Variants in ADAMTSL1 observed in about 807,000 individuals in gnomAD.
The protein encoded by ADAMTSL1 is ADAMTS-like protein 1.
In ADAMTSL1, 126 loss-of-function variants were observed where a neutral mutation model predicts 201.8. The observed-to-expected ratio is 0.62, with a 90% CI of 0.54 to 0.72. The LOEUF is 0.72. ADAMTSL1 is among the 30% of genes least tolerant of loss of function. The probability of loss-of-function intolerance (pLI) is 0.00; values close to 1 mark genes in which losing one functional copy is unlikely to be tolerated. For missense variants in ADAMTSL1, 2,679 were observed against 2,277.8 expected (o/e 1.18, Z -3.59); for synonymous variants, 1,121 against 903.4 (o/e 1.24, Z -4.32).
At chr9:18,424,703 C>G (rs1035467269) in intron 2 of ADAMTSL1, among the ~76,000 whole-genome samples, 6 of 152,146 alleles carry the variant, frequency 3.9e-5, no homozygotes, top group African/African-American at 7.2e-5. Flanking sequence ...TTTGCATTGT[C>G]TTTCTGGTAG....
intron 1 of ADAMTSL1, among the ~76,000 whole-genome samples, chr9:17,936,028 A>T (rs1324180851): frequency 6.6e-6 from 1 of 152,200 alleles, no homozygotes; most frequent in African/African-American, 2.4e-5. Flanking sequence ...CTGTTCTTCT[A>T]ACATTGCCAA....
At chr9:18,197,991 A>G (rs1829262575) in intron 2 of ADAMTSL1, among the ~76,000 whole-genome samples, 1 of 152,142 alleles carries the variant, frequency 6.6e-6, no homozygotes, top group Non-Finnish European at 1.5e-5. Context: ...AAACCTGAGA[A>G]AAACAAGCAA....
intron 4 of ADAMTSL1, among the ~76,000 whole-genome samples, chr9:18,596,540 C>A (rs1411924087): frequency 6.6e-6 from 1 of 152,040 alleles, no homozygotes; most frequent in African/African-American, 2.4e-5. Flanking sequence ...ATTACAGGTG[C>A]GCACCACCAC....
chr9:18,165,387 A>C (rs1396985098), intron 2 of ADAMTSL1, among the ~76,000 whole-genome samples: 5 of 151,928 alleles, frequency 3.3e-5, no homozygotes, highest in Non-Finnish European at 7.4e-5. Context: ...ACATAATGGA[A>C]TTGTCACAGT....
intron 4 of ADAMTSL1, among the ~76,000 whole-genome samples, chr9:18,605,306 C>G (rs1483829641): frequency 2.6e-5 from 4 of 152,198 alleles, no homozygotes; most frequent in African/African-American, 9.6e-5. Context: ...GAATCCACAT[C>G]TGCAATTTAA....
chr9:17,974,049 T>A (rs1186542543), intron 1 of ADAMTSL1, among the ~76,000 whole-genome samples: 1 of 152,104 alleles, frequency 6.6e-6, no homozygotes, highest in Non-Finnish European at 1.5e-5. Flanking sequence ...TCAACAACCC[T>A]TCATGCTAAA....
intron 2 of ADAMTSL1, among the ~76,000 whole-genome samples, chr9:18,410,902 T>G (rs1160631146): frequency 6.6e-6 from 1 of 150,722 alleles, no homozygotes; most frequent in Non-Finnish European, 1.5e-5. Flanking sequence ...AGTGCAGTGG[T>G]GCAATCTTGT....
intron 1 of ADAMTSL1, among the ~76,000 whole-genome samples, chr9:18,066,981 C>G (rs1027203787): frequency 2.0e-5 from 3 of 151,942 alleles, no homozygotes; most frequent in South Asian, 4.2e-4. Context: ...ACTCTGGGGA[C>G]TGTTGTGGGG....
intron 2 of ADAMTSL1, among the ~76,000 whole-genome samples, chr9:18,315,318 A>G (rs919232937): frequency 1.3e-5 from 2 of 152,126 alleles, no homozygotes; most frequent in African/African-American, 4.8e-5. Flanking sequence ...GGCTTCGCCT[A>G]GTGCATCCCG....
intron 2 of ADAMTSL1, among the ~76,000 whole-genome samples, chr9:18,222,549 G>C (rs1830298179): frequency 6.6e-6 from 1 of 150,602 alleles, no homozygotes; most frequent in Non-Finnish European, 1.5e-5. Flanking sequence ...TTTTGTTTAG[G>C]ATTTTAGTCC....
chr9:17,930,287 C>A (rs1283990386), intron 1 of ADAMTSL1, among the ~76,000 whole-genome samples: 1 of 152,044 alleles, frequency 6.6e-6, no homozygotes, highest in Non-Finnish European at 1.5e-5. Flanking sequence ...TCCAAGGTCA[C>A]CCTGGTGCCT....
chr9:17,906,818 G>C (rs1308869392), exon 1 of ADAMTSL1: 6 of 152,106 alleles, frequency 3.9e-5, no homozygotes, highest in Non-Finnish European at 8.8e-5. Flanking sequence ...ACTCCCCTTG[G>C]TCCCCGCCAT....
At chr9:18,697,054 A>G (rs1028031095) in intron 13 of ADAMTSL1, among the ~76,000 whole-genome samples, 2 of 148,906 alleles carry the variant, frequency 1.3e-5, no homozygotes, top group South Asian at 4.3e-4. Context: ...TAATTTTTGT[A>G]TTTTTTTTTA....
intron 1 of ADAMTSL1, among the ~76,000 whole-genome samples, chr9:17,949,927 CT>C (rs1248148256): frequency 2.0e-5 from 3 of 151,162 alleles, no homozygotes; most frequent in Admixed American, 6.6e-5. Context: ...TACCGTAGTG[CT>C]TTTTTTTTGA....
At chr9:18,053,770 G>C (rs1381747908) in intron 1 of ADAMTSL1, among the ~76,000 whole-genome samples, 1 of 152,200 alleles carries the variant, frequency 6.6e-6, no homozygotes, top group East Asian at 1.9e-4. Flanking sequence ...CACTCTTGAT[G>C]TACCAGGCTC....
chr9:18,092,413 T>G (rs917136308), intron 1 of ADAMTSL1, among the ~76,000 whole-genome samples: 36 of 152,338 alleles, frequency 2.4e-4, no homozygotes, highest in African/African-American at 7.5e-4. Context: ...GCAATATAGT[T>G]GAATTAGGGA....
intron 2 of ADAMTSL1, among the ~76,000 whole-genome samples, chr9:18,177,242 T>A (rs966187592): frequency 1.3e-5 from 2 of 152,210 alleles, no homozygotes; most frequent in Non-Finnish European, 2.9e-5. Context: ...GTGTGGAGAA[T>A]GTGTATAGGA....
Position 18,903,648 on chromosome 9 carries a change from A to C in ADAMTSL1, c.4852-2134A>C, listed in dbSNP as rs1001237181. 1.9e-4 allele frequency among the ~76,000 whole-genome samples: 29 copies of C among 152,200 alleles called. 1 individual carries two copies. The highest frequency in any genetic ancestry group is 1.2e-3 in the Admixed American group (19 of 15,286). On this transcript the variant is annotated intron_variant, in intron 26 of 28. Coordinates refer to ENST00000380548, the MANE Select transcript of ADAMTSL1 (RefSeq NM_001040272.6). ...ATCAAACCAACCACAGTTTCCTTCT[A>C]AGGGGGTAGAGACATCCATGCAGCT...
intron 2 of ADAMTSL1, among the ~76,000 whole-genome samples, chr9:18,449,014 T>C (rs1820305429): frequency 6.6e-6 from 1 of 151,912 alleles, no homozygotes; most frequent in Non-Finnish European, 1.5e-5. Context: ...TTCTTTTCTC[T>C]TAAGTAGTTC....
Sources: gnomAD v4.1 joint callset for allele counts (sites outside exome capture counted in the v4.1 genomes callset) on GRCh38, gnomAD v4.1.1 for gene constraint, MANE v1.5 for transcripts, NCBI Gene and HGNC (gene_info 2026-07-23, HGNC 2026-07-21) for gene names.